TANC2: variants seen among roughly 807,000 people sequenced by gnomAD.
TANC2 encodes tetratricopeptide repeat, ankyrin repeat and coiled-coil containing 2.
A neutral mutation model predicts 210.5 loss-of-function variants in TANC2; 26 were observed. That is an observed-to-expected ratio of 0.12 (90% CI 0.09 to 0.17). TANC2 has a LOEUF of 0.17. TANC2 is among the 10% of genes least tolerant of loss of function. The pLI, the probability that TANC2 is intolerant of heterozygous loss-of-function variation, is 1.00. For missense variants in TANC2, 2,129 were observed against 2,608.9 expected (o/e 0.82, Z 4.01); for synonymous variants, 931 against 967.1 (o/e 0.96, Z 0.69).
At chr17:63,143,546 A>C (rs1292478158) in intron 4 of TANC2, among the ~76,000 whole-genome samples, 1 of 152,200 alleles carries the variant, frequency 6.6e-6, no homozygotes, top group African/African-American at 2.4e-5. Context: ...CTGATATCAC[A>C]ACCTCTTTAT....
intron 8 of TANC2, among the ~76,000 whole-genome samples, chr17:63,266,586 A>G (rs928603132): frequency 6.6e-6 from 1 of 152,090 alleles, no homozygotes; most frequent in African/African-American, 2.4e-5. Context: ...ATAATCAGCT[A>G]TTTGGTAAGG....
chr17:63,231,441 C>G (rs1234874530), intron 7 of TANC2, among the ~76,000 whole-genome samples: 2 of 152,102 alleles, frequency 1.3e-5, no homozygotes, highest in Non-Finnish European at 2.9e-5. Context: ...GGAGCTCTTG[C>G]AAGGCAGGCC....
intron 1 of TANC2, among the ~76,000 whole-genome samples, chr17:63,003,399 A>G (rs78652226): frequency 0.02 from 3,043 of 152,328 alleles, 243 homozygotes; most frequent in Admixed American, 0.15. Flanking sequence ...GCCTGAAATG[A>G]CAGTACCAAA....
At chr17:63,347,141 AGTC>A (rs1221772603) in intron 12 of TANC2, among the ~76,000 whole-genome samples, 1 of 152,268 alleles carries the variant, frequency 6.6e-6, no homozygotes, top group Admixed American at 6.5e-5. Flanking sequence ...CTTTATTCAT[AGTC>A]GTCAAAAACT....
intron 7 of TANC2, among the ~76,000 whole-genome samples, chr17:63,220,804 G>A (rs1276029612): frequency 6.9e-6 from 1 of 145,136 alleles, no homozygotes; most frequent in East Asian, 2.0e-4. Flanking sequence ...GTATATATAC[G>A]TGTATATGTA....
chr17:62,986,212 C>T (rs1262260592), intron 1 of TANC2, among the ~76,000 whole-genome samples: 1 of 152,150 alleles, frequency 6.6e-6, no homozygotes, highest in Non-Finnish European at 1.5e-5. Context: ...GGGGTAGGCT[C>T]ACTGGGCTGT....
At chr17:63,394,576 A>G (rs1388492841) in intron 17 of TANC2, among the ~76,000 whole-genome samples, 1 of 152,228 alleles carries the variant, frequency 6.6e-6, no homozygotes, top group African/African-American at 2.4e-5. Context: ...AGAAATATCC[A>G]TGCTCTGTCC....
At chr17:63,134,213 T>C (rs1273354985) in intron 4 of TANC2, among the ~76,000 whole-genome samples, 1 of 152,180 alleles carries the variant, frequency 6.6e-6, no homozygotes, top group South Asian at 2.1e-4. Flanking sequence ...TCATCCGCTC[T>C]AGATGCCAAA....
At chr17:63,352,198 T>C (rs756578646) in intron 13 of TANC2, among the ~76,000 whole-genome samples, 6 of 152,154 alleles carry the variant, frequency 3.9e-5, no homozygotes, top group Non-Finnish European at 7.4e-5. Context: ...AATATTAAAA[T>C]CTCAAACATT....
At chr17:63,004,405 C>G (rs991412963) in intron 1 of TANC2, among the ~76,000 whole-genome samples, 3 of 152,116 alleles carry the variant, frequency 2.0e-5, no homozygotes, top group South Asian at 2.1e-4. Flanking sequence ...GCATTTGTGC[C>G]AAGGTGGCTA....
intron 8 of TANC2, among the ~76,000 whole-genome samples, chr17:63,255,192 C>T (rs1288735082): frequency 6.6e-6 from 1 of 151,942 alleles, no homozygotes; most frequent in African/African-American, 2.4e-5. Flanking sequence ...GCAAGCTCCA[C>T]CTCCCGGGTT....
chr17:63,116,141 G>T (rs1230373494), intron 4 of TANC2, among the ~76,000 whole-genome samples: 1 of 152,000 alleles, frequency 6.6e-6, no homozygotes. Context: ...AAATGGTGAT[G>T]GAAAAGTAAC....
At chr17:63,188,871 A>T (rs1426666483) in intron 5 of TANC2, among the ~76,000 whole-genome samples, 1 of 151,976 alleles carries the variant, frequency 6.6e-6, no homozygotes, top group Non-Finnish European at 1.5e-5. Context: ...AACTATCACC[A>T]CTAATTTTAG....
At chr17:62,981,560 ATTG>A (rs1365742329) in intron 1 of TANC2, among the ~76,000 whole-genome samples, 1 of 151,884 alleles carries the variant, frequency 6.6e-6, no homozygotes, top group Non-Finnish European at 1.5e-5. Flanking sequence ...ACAACCTCTT[ATTG>A]TTGTTGACTG....
intron 2 of TANC2, among the ~76,000 whole-genome samples, chr17:63,035,069 G>A (rs2034917904): frequency 6.6e-6 from 1 of 152,116 alleles, no homozygotes; most frequent in Non-Finnish European, 1.5e-5. Context: ...GAAAGGAAAA[G>A]TTATTTGATG....
At position 63,218,504 on chromosome 17, in the gene TANC2, G is replaced by A. The variant is rs2042083074; in HGVS notation, c.769+17547G>A. Among the ~76,000 whole-genome samples the A allele has an allele frequency of 2.0e-5, 3 of 151,952 alleles. No individual in the cohort carries two copies. The South Asian group carries it at 6.2e-4, about 32-fold the overall frequency. On this transcript the variant is annotated intron_variant, in intron 7 of 27. Transcript: ENST00000689528. ...GATGAATAAAGTAAGTAAATAAAAG[G>A]CATCTAGATTAGAAAGGAAAAAGTA...
intron 9 of TANC2, among the ~76,000 whole-genome samples, chr17:63,272,287 G>A (rs1214490245): frequency 6.6e-6 from 1 of 151,922 alleles, no homozygotes; most frequent in Non-Finnish European, 1.5e-5. Flanking sequence ...CTTATTTCCT[G>A]GTTCTCTATT....
intron 5 of TANC2, among the ~76,000 whole-genome samples, chr17:63,181,116 C>T (rs2040770313): frequency 6.7e-6 from 1 of 149,760 alleles, no homozygotes; most frequent in Non-Finnish European, 1.5e-5. Context: ...ACTAAATTTG[C>T]AATGTCACAG....
At chr17:63,026,376 T>C (rs2034554625) in intron 2 of TANC2, among the ~76,000 whole-genome samples, 1 of 152,184 alleles carries the variant, frequency 6.6e-6, no homozygotes, top group Non-Finnish European at 1.5e-5. Context: ...TATGACATTT[T>C]AAGGATAACT....
Sources: allele counts gnomAD v4.1 joint callset (sites outside exome capture counted in the v4.1 genomes callset), GRCh38; gene constraint gnomAD v4.1.1; transcripts MANE v1.5; gene names NCBI Gene and HGNC (gene_info 2026-07-23, HGNC 2026-07-21).